FAM72A: variants seen among roughly 807,000 people sequenced by gnomAD.
FAM72A encodes the protein protein FAM72A.
A neutral mutation model predicts 11.3 loss-of-function variants in FAM72A; 1 was observed. The observed-to-expected ratio is 0.09, with a 90% CI of 0.03 to 0.42. The LOEUF is 0.42. Among genes scored for constraint, FAM72A ranks in the 10% least tolerant of loss-of-function variants. The pLI is 0.98. For missense variants in FAM72A, 15 were observed against 135.5 expected (o/e 0.11, Z 4.41); for synonymous variants, 5 against 46.9 (o/e 0.11, Z 3.65).
rs372845206 is a variant in FAM72A at position 206,187,101 on chromosome 1, C to T, written c.*178G>A. Reference sequence around the variant, plus strand: ...AAGTAGAAGTAGAGGAAAAGCACAACTTCACTGGCTTCAATCAAACTGAGG... The same window carrying T: ...AAGTAGAAGTAGAGGAAAAGCACAATTTCACTGGCTTCAATCAAACTGAGG... On this transcript the variant is annotated 3_prime_UTR_variant, in exon 4 of 4. Transcript: ENST00000367128. 11 of 972,064 alleles carry T rather than the reference C, an allele frequency of 1.1e-5. No individual in the cohort carries two copies. In the African/African-American group the frequency reaches 1.5e-4, roughly 13 times the overall value. 60.2% of individuals were successfully genotyped at this position (972,064 alleles called of 1,614,324 possible).
chr1:206,187,491 G>T (rs1211202187), intron 3 of FAM72A, 118 bp from the exon 4 acceptor site: 6 of 686,182 alleles, frequency 8.7e-6, no homozygotes, highest in Non-Finnish European at 1.5e-5. Context: ...GCAGTAAAAA[G>T]AGTAGCTATT....
At chr1:206,201,614 CA>C in intron 1 of FAM72A, 1 of 280,432 alleles carries the variant, frequency 3.6e-6, no homozygotes, top group South Asian at 3.8e-5. Flanking sequence ...GGCACTGAAC[CA>C]GGGATCAAAC....
chr1:206,199,084 A>C (rs1318007496), intron 2 of FAM72A, among the ~76,000 whole-genome samples: 2 of 138,900 alleles, frequency 1.4e-5, no homozygotes, highest in Non-Finnish European at 3.1e-5. Flanking sequence ...ACTCCTTCTC[A>C]AAAAAAGAAA....
chr1:206,205,744 C>G (rs1665860680), upstream of FAM72A: 2 of 601,488 alleles, frequency 3.3e-6, no homozygotes, highest in African/African-American at 3.8e-5. Context: ...GGCTCTAGCA[C>G]AGGCACCAGC....
chr1:206,198,317 T>A (rs1553298643), intron 2 of FAM72A, among the ~76,000 whole-genome samples: 1 of 150,012 alleles, frequency 6.7e-6, no homozygotes, highest in African/African-American at 2.5e-5. Flanking sequence ...TAAGCTGAGA[T>A]CGTGCCACTG....
chr1:206,196,530 C>A (rs1191816099), intron 2 of FAM72A, among the ~76,000 whole-genome samples: 1 of 105,020 alleles, frequency 9.5e-6, no homozygotes, highest in East Asian at 2.5e-4. Context: ...AAGGTTTTTG[C>A]TATCCCAGGA....
upstream of FAM72A, chr1:206,203,185 T>G (rs1386571383): frequency 3.6e-6 from 1 of 278,732 alleles, no homozygotes; most frequent in Non-Finnish European, 6.6e-6. Flanking sequence ...TCTCCACCGG[T>G]CTCTACTCTT....
At chr1:206,203,172 C>A (rs1341442707), upstream of FAM72A, 1 of 251,370 alleles carries the variant, frequency 4.0e-6, no homozygotes, top group Non-Finnish European at 7.5e-6. Flanking sequence ...AGAGGTTCTA[C>A]AGTCTCCACC....
chr1:206,189,501 G>T (rs1664688709), intron 3 of FAM72A, among the ~76,000 whole-genome samples: 1 of 132,104 alleles, frequency 7.6e-6, no homozygotes, highest in Non-Finnish European at 1.5e-5. Context: ...TCTGCTCCAG[G>T]TAAATGTCAT....
chr1:206,190,715 C>T (rs1282718431), intron 3 of FAM72A, among the ~76,000 whole-genome samples: 3 of 143,734 alleles, frequency 2.1e-5, no homozygotes, highest in African/African-American at 5.2e-5. Context: ...ACGAAAAATA[C>T]AAAAAATTAG....
chr1:206,198,126 G>A (rs1163297758), intron 2 of FAM72A, among the ~76,000 whole-genome samples: 1 of 150,986 alleles, frequency 6.6e-6, no homozygotes, highest in Non-Finnish European at 1.5e-5. Context: ...CACTTAGGGA[G>A]GCCAAGGCAG....
intron 3 of FAM72A, among the ~76,000 whole-genome samples, chr1:206,194,978 AG>A (rs1665002270): frequency 2.1e-5 from 1 of 47,930 alleles, no homozygotes; most frequent in Non-Finnish European, 4.2e-5. Context: ...GGACTACCAA[AG>A]TGCTGGGATT....
chr1:206,192,207 A>C (rs1269876093), intron 3 of FAM72A, among the ~76,000 whole-genome samples: 7 of 16,086 alleles, frequency 4.4e-4, no homozygotes, highest in Non-Finnish European at 7.4e-4. Context: ...CCCACTTAAG[A>C]CCACACCCAC....
chr1:206,190,495 T>TA (rs1434656550), intron 3 of FAM72A, among the ~76,000 whole-genome samples: 1 of 149,360 alleles, frequency 6.7e-6, no homozygotes, highest in African/African-American at 2.5e-5. Context: ...ATCATATATT[T>TA]AAAAAATACA....
At chr1:206,191,446 C>G (rs1318596342) in intron 3 of FAM72A, among the ~76,000 whole-genome samples, 1 of 145,534 alleles carries the variant, frequency 6.9e-6, no homozygotes, top group Non-Finnish European at 1.5e-5. Flanking sequence ...TGGTGAAACC[C>G]TGTCTCTACT....
chr1:206,193,007 G>A (rs1449754779), intron 3 of FAM72A, among the ~76,000 whole-genome samples: 1 of 150,124 alleles, frequency 6.7e-6, no homozygotes, highest in Admixed American at 6.7e-5. Context: ...TCCGCCTCCC[G>A]GGTTCAAGCC....
In FAM72A at chr1:206,187,380, A is replaced by G; in HGVS notation, c.356-7T>C. 6.2e-7 allele frequency: 1 copy of G among 1,611,130 alleles called. No homozygotes were observed. Among genetic ancestry groups the G allele is most frequent in the Non-Finnish European group, 8.5e-7 (1 of 1,179,510 alleles). On this transcript the variant is annotated splice_polypyrimidine_tract_variant and splice_region_variant and intron_variant, in intron 3 of 3. Coordinates refer to ENST00000367128, the MANE Select transcript of FAM72A (RefSeq NM_001123168.3). ...CAAAGTAGGACGTTTACACCTGAAAATAAAAAGTCATAAAATTCTTTAATG... is the reference window on the plus strand; with the variant it reads ...CAAAGTAGGACGTTTACACCTGAAAGTAAAAAGTCATAAAATTCTTTAATG...
chr1:206,198,571 C>G (rs1665193566), intron 2 of FAM72A, among the ~76,000 whole-genome samples: 1 of 149,200 alleles, frequency 6.7e-6, no homozygotes, highest in Middle Eastern at 3.5e-3. Context: ...AATACAAACC[C>G]CTTCTAAATA....
chr1:206,202,922 A>T (rs1191293300), upstream of FAM72A: 1 of 145,354 alleles, frequency 6.9e-6, no homozygotes, highest in Non-Finnish European at 1.5e-5. Context: ...CACCGATTGG[A>T]AGAACTAGAG....
Sources: allele counts gnomAD v4.1 joint callset (sites outside exome capture counted in the v4.1 genomes callset), GRCh38; gene constraint gnomAD v4.1.1; transcripts MANE v1.5; gene names NCBI Gene and HGNC (gene_info 2026-07-23, HGNC 2026-07-21).